The following ACD variants were observed in gnomAD, a reference collection of about 807,000 sequenced individuals.
ACD encodes the protein adrenocortical dysplasia protein homolog.
Under a neutral mutation model 53.9 loss-of-function variants are expected in ACD, and 39 were observed. That is an observed-to-expected ratio of 0.72 (90% CI 0.56 to 0.95). The LOEUF (loss-of-function observed/expected upper bound fraction) is 0.95, where lower values mean the gene tolerates loss of function less well. ACD is among the 40% of genes least tolerant of loss of function. ACD has a pLI of 0.00. For synonymous variants in ACD, 273 were observed against 249.2 expected (o/e 1.10, Z -0.90); for missense variants, 526 against 587.9 (o/e 0.89, Z 1.09).
intron 2 of ACD, 29 bp downstream of exon 2, chr16:67,659,874 G>A (rs1169261396): frequency 4.4e-6 from 7 of 1,580,418 alleles, no homozygotes; most frequent in African/African-American, 1.3e-5. Flanking sequence ...GCCGGACTCC[G>A]ACCTCCAGAG....
Position 67,659,209 on chromosome 16 carries a change from C to T in ACD, c.493+20G>A, listed in dbSNP as rs371315332. 2 of 1,614,058 alleles carry T rather than the reference C, an allele frequency of 1.2e-6. No homozygotes were observed. Among genetic ancestry groups the T allele is most frequent in the African/African-American group, 1.3e-5 (1 of 75,038 alleles). On this transcript the variant is annotated intron_variant, in intron 6 of 11. Transcript: ENST00000620761. ...ATCACTGCACAGCGTGTTAGGATCA[C>T]TGGTCAAGCTCTACAGTACCTGCAT... is the stretch of plus-strand genomic sequence containing the variant.
chr16:67,658,402 G>A (rs752777459), intron 9 of ACD, 40 bp from the exon 10 acceptor site: 49 of 1,612,092 alleles, frequency 3.0e-5, no homozygotes, highest in Non-Finnish European at 3.8e-5. Context: ...AGCCCTCTCC[G>A]CTCAGGGCAG....
intron 1 of ACD, 23 bp from the exon 2 acceptor site, chr16:67,660,068 A>G: frequency 6.2e-7 from 1 of 1,609,732 alleles, no homozygotes; most frequent in Non-Finnish European, 8.5e-7. Flanking sequence ...AGCGGCGTCA[A>G]TCCCACCACC....
chr16:67,660,107 T>TG lies in ACD; in HGVS notation c.99+14dup. 1 of 1,612,250 alleles carries TG rather than the reference T, an allele frequency of 6.2e-7. No homozygotes were observed. Among genetic ancestry groups the TG allele is most frequent in the African/African-American group, 1.3e-5 (1 of 75,010 alleles). On this transcript the variant is annotated intron_variant, in intron 1 of 11. Coordinates refer to ENST00000620761, the MANE Select transcript of ACD (RefSeq NM_001082486.2). ...GGCCTCCGCCTCGGTCTCCGGGCCC[T>TG]GAATGGGGGCTCACCTCAAGCAGCT...
At position 67,659,528 on chromosome 16, in the gene ACD, A is replaced by G. The variant is rs774274068; in HGVS notation, c.413+9T>C. ...GGGAGAGCTGCTGGAGGGCGGAGGC[A>G]TCACTTACCAACCAGGCACCCGTAG... On this transcript the variant is annotated intron_variant, in intron 4 of 11. Transcript: ENST00000620761. 9.9e-6 allele frequency: 16 copies of G among 1,613,056 alleles called. No individual in the cohort carries two copies. In the African/African-American group the frequency reaches 2.0e-4, roughly 20 times the overall value.
In ACD at chr16:67,659,355, G is replaced by A. The variant is rs749787512; in HGVS notation, c.458+20C>T. The A allele has an allele frequency of 1.2e-5, 19 of 1,613,862 alleles. No homozygotes were observed. Among genetic ancestry groups the A allele is most frequent in the Middle Eastern group, 1.6e-4 (1 of 6,084 alleles). ...CCTCACCAAACAACACGTGGCCCCC[G>A]AGCCCAACCCCAGACTCACTCAAGG... On this transcript the variant is annotated intron_variant, in intron 5 of 11. Transcript: ENST00000620761.
chr16:67,659,950 G>C lies in ACD; in HGVS notation c.195C>G (p.His65Gln). ...CCCGCGTCACCAGGCATCGGACACTGTGGGTCCCGTCAGACACAAGCAGCG... is the reference window on the plus strand; with the variant it reads ...CCCGCGTCACCAGGCATCGGACACTCTGGGTCCCGTCAGACACAAGCAGCG... ...GATLLVSDGTHSVRCLVTREA... is the reference protein window; with the variant it reads ...GATLLVSDGTQSVRCLVTREA... Residue 65 changes from histidine to glutamine, a missense_variant, in exon 2 of 12, where the codon CAC (histidine) becomes CAG (glutamine). Physicochemically the swap from His to Gln is conservative, Grantham distance 24. Transcript: ENST00000620761. The C allele has an allele frequency of 6.2e-6, 10 of 1,608,304 alleles. No homozygotes were observed. The highest frequency in any genetic ancestry group is 8.5e-6 in the Non-Finnish European group (10 of 1,178,898).
chr16:67,660,001 G>C lies in ACD; in HGVS notation c.144C>G (p.Ala48=). ...AEAAVAGPSH[A]PDTSDVGATL... The stretch of plus-strand genomic sequence containing the variant: ...TGGCCCCGACGTCGGACGTATCAGG[G>C]GCGTGGGATGGGCCCGCGACCGCGG... Residue 48 remains alanine, a synonymous_variant, in exon 2 of 12, where the codon GCC becomes GCG. Coordinates refer to ENST00000620761, the MANE Select transcript of ACD (RefSeq NM_001082486.2). 6.2e-7 allele frequency: 1 copy of C among 1,608,690 alleles called. No individual in the cohort carries two copies. Among genetic ancestry groups the C allele is most frequent in the Non-Finnish European group, 8.5e-7 (1 of 1,178,642 alleles).
chr16:67,659,959 G>A lies in ACD; in HGVS notation c.186C>T (p.Asp62=), dbSNP rs998982026. 5.3e-5 allele frequency: 86 copies of A among 1,608,430 alleles called. No homozygotes were observed. The highest frequency in any genetic ancestry group is 7.2e-5 in the Non-Finnish European group (85 of 1,179,024). Residue 62 remains aspartate, a synonymous_variant, in exon 2 of 12, where the codon GAC becomes GAT. Coordinates refer to ENST00000620761, the MANE Select transcript of ACD (RefSeq NM_001082486.2). ...SDVGATLLVS[D]GTHSVRCLVT... ...CCAGGCATCGGACACTGTGGGTCCCGTCAGACACAAGCAGCGTGGCCCCGA... is the reference window on the plus strand; with the variant it reads ...CCAGGCATCGGACACTGTGGGTCCCATCAGACACAAGCAGCGTGGCCCCGA...
At chr16:67,658,501 G>A (rs931652854) in intron 9 of ACD, 54 bp downstream of exon 9, 36 of 1,572,412 alleles carry the variant, frequency 2.3e-5, no homozygotes, top group Admixed American at 1.0e-4. Context: ...TGCGCAGCCC[G>A]GGAACCTGAC....
Position 67,659,384 on chromosome 16 carries a change from T to G in ACD, c.449A>C (p.Asp150Ala), listed in dbSNP as rs1237400583. The change falls in exon 5 of 12, where the codon GAC (aspartate) becomes GCC (alanine). Residue 150 changes from aspartate to alanine, a missense_variant. Physicochemically the swap from Asp to Ala is moderately radical, Grantham distance 126. Transcript: ENST00000620761. ...QDLDVQKKLY[D>A]CLEEHLSEST... The stretch of plus-strand genomic sequence containing the variant: ...CCAACCCCAGACTCACTCAAGGCAG[T>G]CATAGAGCTTTTTCTGAACATCTAA... 7 of 1,613,754 alleles carry G rather than the reference T, an allele frequency of 4.3e-6. No individual in the cohort carries two copies. Among genetic ancestry groups the G allele is most frequent in the Non-Finnish European group, 5.9e-6 (7 of 1,179,988 alleles).
In ACD at chr16:67,657,609, C is replaced by T; in HGVS notation, c.1374G>A (p.Met458Ile). 1.2e-6 allele frequency: 2 copies of T among 1,614,180 alleles called. No individual in the cohort carries two copies. Among genetic ancestry groups the T allele is most frequent in the Non-Finnish European group, 8.5e-7 (1 of 1,180,036 alleles). The change falls in exon 12 of 12, where the codon ATG becomes ATA. Residue 458 changes from methionine (M) to isoleucine (I), a missense_variant. Physicochemically the swap from Met to Ile is conservative, Grantham distance 10 (BLOSUM62 1). Transcript: ENST00000620761. This position sits in a 1 kb window ranked among gnomAD's most constrained non-coding sequence, Gnocchi z 4.5. ...GGTATCTGTCCTGCGTGACGTCTCA[C>T]ATCGGAGTTGGCTCAGACCCTGGCT... ...DAQPGSEPTP[M>I]
rs1235862680 is a variant in ACD at position 67,660,005 on chromosome 16, T to C, written c.140A>G (p.His47Arg). 6.2e-7 allele frequency: 1 copy of C among 1,607,506 alleles called. No homozygotes were observed. The highest frequency in any genetic ancestry group is 1.3e-5 in the African/African-American group (1 of 74,762). ...DAEAAVAGPS[H>R]APDTSDVGAT... ...CCCGACGTCGGACGTATCAGGGGCGTGGGATGGGCCCGCGACCGCGGCCTC... is the reference window on the plus strand; with the variant it reads ...CCCGACGTCGGACGTATCAGGGGCGCGGGATGGGCCCGCGACCGCGGCCTC... Residue 47 changes from histidine (H) to arginine (R), a missense_variant, in exon 2 of 12, where the codon CAC becomes CGC. By Grantham distance (29) the His-to-Arg change is conservative. Coordinates refer to ENST00000620761, the MANE Select transcript of ACD (RefSeq NM_001082486.2).
In ACD at chr16:67,659,935, C is replaced by A; in HGVS notation, c.210G>T (p.Leu70=). 6.2e-7 allele frequency: 1 copy of A among 1,605,522 alleles called. No individual in the cohort carries two copies. Among genetic ancestry groups the A allele is most frequent in the Non-Finnish European group, 8.5e-7 (1 of 1,176,954 alleles). ...VSDGTHSVRC[L]VTREALDTSD... ...AGGTGTCCAGGGCCTCCCGCGTCAC[C>A]AGGCATCGGACACTGTGGGTCCCGT... The change falls in exon 2 of 12, where the codon CTG becomes CTT. Residue 70 remains leucine (L), a synonymous_variant. Transcript: ENST00000620761.
chr16:67,659,125 A>G (rs554388576), intron 6 of ACD, 46 bp from the exon 7 acceptor site: 62 of 1,608,756 alleles, frequency 3.9e-5, no homozygotes, highest in Middle Eastern at 3.3e-4. Context: ...AAAGGGGAGG[A>G]CCAGGAGGGT....
chr16:67,659,890 CG>C lies in ACD; in HGVS notation c.242+12del. ...CCGGACTCCGACCTCCAGAGCCGCG[CG>C]GGGCCTCTCACCAGTCCGAGGTGTC... On this transcript the variant is annotated intron_variant, in intron 2 of 11. Transcript: ENST00000620761. 6.3e-7 allele frequency: 1 copy of C among 1,582,522 alleles called. No homozygotes were observed. Among genetic ancestry groups the C allele is most frequent in the Non-Finnish European group, 8.6e-7 (1 of 1,162,634 alleles).
At position 67,659,364 on chromosome 16, in the gene ACD, C is replaced by T; in HGVS notation, c.458+11G>A. 1 of 1,614,060 alleles carries T rather than the reference C, an allele frequency of 6.2e-7. No individual in the cohort carries two copies. The highest frequency in any genetic ancestry group is 8.5e-7 in the Non-Finnish European group (1 of 1,180,012). The stretch of plus-strand genomic sequence containing the variant: ...ACAACACGTGGCCCCCGAGCCCAAC[C>T]CCAGACTCACTCAAGGCAGTCATAG... On this transcript the variant is annotated intron_variant, in intron 5 of 11. Transcript: ENST00000620761.
chr16:67,658,715 C>T lies in ACD; in HGVS notation c.742+5G>A, dbSNP rs766347398. The T allele has an allele frequency of 6.2e-7, 1 of 1,609,708 alleles. No homozygotes were observed. Among genetic ancestry groups the T allele is most frequent in the South Asian group, 1.1e-5 (1 of 90,510 alleles). Reference sequence around the variant, plus strand: ...TATCCCCCCAACCTCTCCAGTCCCCCTTACCCTGTGTCCTCTGACAGGGGC... The same window carrying T: ...TATCCCCCCAACCTCTCCAGTCCCCTTTACCCTGTGTCCTCTGACAGGGGC... On this transcript the variant is annotated splice_donor_5th_base_variant and intron_variant, in intron 8 of 11. Coordinates refer to ENST00000620761, the MANE Select transcript of ACD (RefSeq NM_001082486.2).
chr16:67,659,085 G>C lies in ACD; in HGVS notation c.494-6C>G. The C allele has an allele frequency of 6.2e-7, 1 of 1,613,624 alleles. No homozygotes were observed. The highest frequency in any genetic ancestry group is 8.5e-7 in the Non-Finnish European group (1 of 1,179,696). Reference sequence around the variant, plus strand: ...AAGCTGGGACAGTGATAGGCCTGGGGACAGGGGACCATGGGATGAGTCAAG... The same window carrying C: ...AAGCTGGGACAGTGATAGGCCTGGGCACAGGGGACCATGGGATGAGTCAAG... On this transcript the variant is annotated splice_polypyrimidine_tract_variant and splice_region_variant and intron_variant, in intron 6 of 11. Coordinates refer to ENST00000620761, the MANE Select transcript of ACD (RefSeq NM_001082486.2).
Sources: gnomAD v4.1 joint callset for allele counts on GRCh38, gnomAD v4.1.1 for gene constraint, Gnocchi (gnomAD v3.1) non-coding constraint, MANE v1.5 for transcripts, NCBI Gene and HGNC (gene_info 2026-07-23, HGNC 2026-07-21) for gene names.